The following PAX2 variants were observed in gnomAD, a reference collection of about 807,000 sequenced individuals.
PAX2 encodes the protein paired box protein Pax-2.
In PAX2, 9 loss-of-function variants were observed where a neutral mutation model predicts 41.7. The observed-to-expected ratio is 0.22, with a 90% confidence interval of 0.13 to 0.38. The LOEUF (loss-of-function observed/expected upper bound fraction) is 0.38, where lower values mean the gene tolerates loss of function less well. Among genes scored for constraint, PAX2 ranks in the 10% least tolerant of loss-of-function variants. The pLI, the probability that PAX2 is intolerant of heterozygous loss-of-function variation, is 1.00. For missense variants in PAX2, 418 were observed against 531.6 expected, an observed-to-expected ratio of 0.79 and a Z score of 2.10; for synonymous variants, 221 against 212.7, an observed-to-expected ratio of 1.04 and a Z score of -0.34.
At chr10:100,767,125 A>G (rs1313841631) in intron 3 of PAX2, among the ~76,000 whole-genome samples, 2 of 152,226 alleles carry the variant, frequency 1.3e-5, no homozygotes. Flanking sequence ...CAAACTCTGT[A>G]TCCCATAGGC....
chr10:100,771,868 C>T (rs1846223421), intron 3 of PAX2, among the ~76,000 whole-genome samples: 2 of 151,976 alleles, frequency 1.3e-5, no homozygotes, highest in Admixed American at 1.3e-4. Context: ...AGTGCAGTGG[C>T]GCGATCTCTG....
intron 5 of PAX2, among the ~76,000 whole-genome samples, chr10:100,803,241 C>T (rs1847631436): frequency 6.6e-6 from 1 of 152,178 alleles, no homozygotes; most frequent in African/African-American, 2.4e-5. Flanking sequence ...CCAGCCAGCA[C>T]TTCCAGCTTC....
chr10:100,827,695 A>T lies in PAX2; in HGVS notation c.*76A>T. On this transcript the variant is annotated 3_prime_UTR_variant, in exon 10 of 10. Transcript: ENST00000355243. This position sits in a 1 kb window ranked among gnomAD's most constrained non-coding sequence, Gnocchi z 8.5. ...TCGTCCCCGTCTGACCCCACCCCGG[A>T]GGGAGGGAGGACCGACGCGACGCGA... 1 of 1,611,546 alleles carries T rather than the reference A, an allele frequency of 6.2e-7. No individual in the cohort carries two copies. The highest frequency in any genetic ancestry group is 8.5e-7 in the Non-Finnish European group (1 of 1,178,940).
chr10:100,774,519 TC>T (rs1214153523), intron 3 of PAX2, among the ~76,000 whole-genome samples: 1 of 152,002 alleles, frequency 6.6e-6, no homozygotes, highest in African/African-American at 2.4e-5. Flanking sequence ...CTTCCCAGGG[TC>T]TCAGTGGCAC....
chr10:100,750,565 A>T lies in PAX2; in HGVS notation c.213-129A>T. 1.3e-6 allele frequency: 1 copy of T among 791,484 alleles called. No individual in the cohort carries two copies. The allele number at this position is 791,484 out of a possible 1,614,324, so 49.0% of individuals were successfully genotyped here. A position where few individuals can be genotyped will look rare whatever the true frequency, so the allele number is the denominator to read the frequency against. Reference sequence around the variant, plus strand: ...ACCCTCAGGAAGTCAGCTCAGCCACACTGGGCCTTTTCCCTCCACTCCGCT... The same window carrying T: ...ACCCTCAGGAAGTCAGCTCAGCCACTCTGGGCCTTTTCCCTCCACTCCGCT... On this transcript the variant is annotated intron_variant, in intron 2 of 9. Coordinates refer to ENST00000355243, the MANE Select transcript of PAX2 (RefSeq NM_000278.5). The surrounding 1 kb of genome is among the most constrained non-coding windows in gnomAD (Gnocchi z 4.1).
At chr10:100,758,444 G>T (rs115894978) in intron 3 of PAX2, among the ~76,000 whole-genome samples, 2,403 of 152,312 alleles carry the variant, frequency 0.016, 83 homozygotes, top group African/African-American at 0.055. Flanking sequence ...CCGGCCGTCA[G>T]GTGCCATTCT....
At chr10:100,776,881 T>A (rs1177841261) in intron 3 of PAX2, among the ~76,000 whole-genome samples, 2 of 152,174 alleles carry the variant, frequency 1.3e-5, no homozygotes, top group African/African-American at 4.8e-5. Flanking sequence ...ATTCTTCCCT[T>A]TCTTTCCTGA....
intron 4 of PAX2, among the ~76,000 whole-genome samples, chr10:100,780,374 G>A (rs781710177): frequency 1.3e-5 from 2 of 152,186 alleles, no homozygotes; most frequent in African/African-American, 2.4e-5. Flanking sequence ...CCATAGATGA[G>A]GCCCGGGGTT....
In PAX2 at chr10:100,748,466, A is replaced by T; in HGVS notation, c.44-1280A>T. On this transcript the variant is annotated intron_variant, in intron 1 of 9. Coordinates refer to ENST00000355243, the MANE Select transcript of PAX2 (RefSeq NM_000278.5). This position sits in a 1 kb window ranked among gnomAD's most constrained non-coding sequence, Gnocchi z 5.0. Reference sequence around the variant, plus strand: ...GGGGAGAGAAATGAGGGGGGCACAGATGTCCCCGCTTTCTCCGAAACTCGC... The same window carrying T: ...GGGGAGAGAAATGAGGGGGGCACAGTTGTCCCCGCTTTCTCCGAAACTCGC... 7 of 984,490 alleles carry T rather than the reference A, an allele frequency of 7.1e-6. No homozygotes were observed. The highest frequency in any genetic ancestry group is 8.4e-6 in the Non-Finnish European group (7 of 829,750). 61.0% of individuals were successfully genotyped at this position (984,490 alleles called of 1,614,324 possible). A position where few individuals can be genotyped will look rare whatever the true frequency, so the allele number is the denominator to read the frequency against.
At chr10:100,797,422 G>T (rs1470942942) in intron 5 of PAX2, among the ~76,000 whole-genome samples, 1 of 152,196 alleles carries the variant, frequency 6.6e-6, no homozygotes, top group East Asian at 1.9e-4. Context: ...CCTTGGGAAA[G>T]TTCCTTAATC....
At position 100,824,069 on chromosome 10, in the gene PAX2, G is replaced by GC. The variant is rs1249234119; in HGVS notation, c.920-573dup. Among the ~76,000 whole-genome samples, 1 of 151,964 alleles carries GC rather than the reference G, an allele frequency of 6.6e-6. No homozygotes were observed. Among genetic ancestry groups the GC allele is most frequent in the Non-Finnish European group, 1.5e-5 (1 of 67,976 alleles). ...CTAACAGCAAAATAGCCCACTGGCTGCCCCCCTGCTCTCCACACCTGCCAG... is the reference window on the plus strand; with the variant it reads ...CTAACAGCAAAATAGCCCACTGGCTGCCCCCCCTGCTCTCCACACCTGCCAG... On this transcript the variant is annotated intron_variant, in intron 7 of 9. Coordinates refer to ENST00000355243, the MANE Select transcript of PAX2 (RefSeq NM_000278.5). The surrounding 1 kb of genome is among the most constrained non-coding windows in gnomAD (Gnocchi z 6.6).
At chr10:100,809,293 C>T in intron 7 of PAX2, 57 bp downstream of exon 7, 2 of 1,551,298 alleles carry the variant, frequency 1.3e-6, no homozygotes, top group Admixed American at 1.7e-5. Flanking sequence ...TGCCTCAGCC[C>T]ATGCCATCTG....
chr10:100,744,826 C>A (rs1182447347), upstream of PAX2, among the ~76,000 whole-genome samples: 1 of 152,194 alleles, frequency 6.6e-6, no homozygotes, highest in South Asian at 2.1e-4. Context: ...CTGAACCAAG[C>A]GTTCTGGACT....
intron 3 of PAX2, among the ~76,000 whole-genome samples, chr10:100,773,783 T>C (rs1429093199): frequency 6.6e-6 from 1 of 152,150 alleles, no homozygotes; most frequent in Non-Finnish European, 1.5e-5. Context: ...ACTTAACCTT[T>C]TTTACAGTGT....
chr10:100,741,036 A>G (rs1156964858), upstream of PAX2, among the ~76,000 whole-genome samples: 1 of 152,160 alleles, frequency 6.6e-6, no homozygotes. Context: ...AGTGGCTTGC[A>G]TTGTTGTTGC....
chr10:100,767,935 A>G (rs1323507889), intron 3 of PAX2, among the ~76,000 whole-genome samples: 1 of 152,160 alleles, frequency 6.6e-6, no homozygotes. Flanking sequence ...AGTTTATAAA[A>G]TCAATGGAAT....
At chr10:100,754,501 C>G (rs770790249) in intron 3 of PAX2, among the ~76,000 whole-genome samples, 14 of 152,214 alleles carry the variant, frequency 9.2e-5, no homozygotes, top group Non-Finnish European at 1.9e-4. Context: ...GCCTGTTAGG[C>G]TCTAGGTGAG....
chr10:100,751,141 A>G (rs1047979490), intron 3 of PAX2, among the ~76,000 whole-genome samples: 4 of 152,148 alleles, frequency 2.6e-5, no homozygotes, highest in African/African-American at 9.7e-5. Flanking sequence ...AAATGAATCC[A>G]AGTGTTTGTG....
rs72843853 is a variant in PAX2, at chr10:100,770,108, G to A, written c.411-9390G>A. Among the ~76,000 whole-genome samples, 24 of 152,280 alleles carry A rather than the reference G, an allele frequency of 1.6e-4. 1 individual carries two copies. The South Asian group carries it at 2.3e-3, about 14-fold the overall frequency. ...ACTGTTTTTGAATGCCTGAGTAGGCGAAAGGTAGGAAAGGCTAGAGGTAGG... is the reference window on the plus strand; with the variant it reads ...ACTGTTTTTGAATGCCTGAGTAGGCAAAAGGTAGGAAAGGCTAGAGGTAGG... On this transcript the variant is annotated intron_variant, in intron 3 of 9. Coordinates refer to ENST00000355243, the MANE Select transcript of PAX2 (RefSeq NM_000278.5).
Sources: gnomAD v4.1 joint callset for allele counts (sites outside exome capture counted in the v4.1 genomes callset) on GRCh38, gnomAD v4.1.1 for gene constraint, Gnocchi (gnomAD v3.1) non-coding constraint, MANE v1.5 for transcripts, NCBI Gene and HGNC (gene_info 2026-07-23, HGNC 2026-07-21) for gene names.